The following GRM5 variants were observed in gnomAD, a reference collection of about 807,000 sequenced individuals.
GRM5 encodes the protein glutamate metabotropic receptor 5.
GRM5 carries 19 observed loss-of-function variants against 83.1 expected under a neutral mutation model. The observed-to-expected ratio is 0.23, with a 90% CI of 0.16 to 0.34. The LOEUF is 0.34. GRM5 is among the 10% of genes least tolerant of loss of function. GRM5 has a pLI of 1.00. For missense variants in GRM5, 1,160 were observed against 1,588.3 expected (o/e 0.73, Z 4.58); for synonymous variants, 675 against 633.6 (o/e 1.07, Z -0.98).
Position 88,818,492 on chromosome 11 carries a change from A to C in GRM5, c.911+31414T>G, listed in dbSNP as rs139135845. ...ATGAATACATCTTCAAGATGTGAAT[A>C]AGTCATGTTCTTTCTAGTAGCAAGA... On this transcript the variant is annotated intron_variant, in intron 3 of 9. Coordinates refer to ENST00000305447, the MANE Select transcript of GRM5 (RefSeq NM_001143831.3). Among the ~76,000 whole-genome samples the C allele has an allele frequency of 4.7e-4, 72 of 152,274 alleles. 1 individual carries two copies. The highest frequency in any genetic ancestry group is 3.4e-3 in the Middle Eastern group (1 of 294).
chr11:88,940,328 T>C (rs1395904625), intron 2 of GRM5, among the ~76,000 whole-genome samples: 1 of 151,486 alleles, frequency 6.6e-6, no homozygotes, highest in Non-Finnish European at 1.5e-5. Flanking sequence ...TTTTTTTTTT[T>C]TGGAAGACCT....
At chr11:88,794,343 A>G (rs890945130) in intron 3 of GRM5, among the ~76,000 whole-genome samples, 23 of 152,242 alleles carry the variant, frequency 1.5e-4, no homozygotes, top group African/African-American at 5.5e-4. Context: ...CCTCTGTAAC[A>G]CCATTCTGTG....
At chr11:88,867,374 G>T (rs1163210504) in intron 2 of GRM5, among the ~76,000 whole-genome samples, 1 of 151,850 alleles carries the variant, frequency 6.6e-6, no homozygotes, top group East Asian at 1.9e-4. Flanking sequence ...AAGGAGTCCA[G>T]ATGAGAAACA....
intron 8 of GRM5, among the ~76,000 whole-genome samples, chr11:88,563,527 C>CA: frequency 6.6e-6 from 1 of 152,256 alleles, no homozygotes; most frequent in Non-Finnish European, 1.5e-5. Context: ...TACCCAATCT[C>CA]AGATTATAGC....
intron 3 of GRM5, among the ~76,000 whole-genome samples, chr11:88,825,198 C>A (rs1943873740): frequency 6.6e-6 from 1 of 151,392 alleles, no homozygotes; most frequent in African/African-American, 2.4e-5. Flanking sequence ...TTTCAGTTAA[C>A]AGGATAAAAT....
chr11:88,617,418 C>G (rs1938513328), intron 4 of GRM5, among the ~76,000 whole-genome samples: 1 of 151,984 alleles, frequency 6.6e-6, no homozygotes, highest in Admixed American at 6.6e-5. Context: ...GACCTTTTTC[C>G]CCAATATCTT....
intron 2 of GRM5, among the ~76,000 whole-genome samples, chr11:88,916,418 A>C (rs1358591669): frequency 6.6e-6 from 1 of 151,996 alleles, no homozygotes; most frequent in African/African-American, 2.4e-5. Context: ...GTCACAGGGG[A>C]AAGTAATGCA....
chr11:88,969,042 G>A (rs1451506376), intron 2 of GRM5, among the ~76,000 whole-genome samples: 3 of 151,950 alleles, frequency 2.0e-5, no homozygotes, highest in African/African-American at 4.8e-5. Flanking sequence ...AGCATAGACA[G>A]GAGGAAATAA....
intron 2 of GRM5, among the ~76,000 whole-genome samples, chr11:88,878,322 G>A (rs1435590308): frequency 1.3e-5 from 2 of 152,074 alleles, no homozygotes; most frequent in Non-Finnish European, 2.9e-5. Flanking sequence ...AGCACTGGAT[G>A]GAACAACTCT....
intron 1 of GRM5, among the ~76,000 whole-genome samples, chr11:89,053,321 C>G (rs575346738): frequency 6.6e-6 from 1 of 151,896 alleles, no homozygotes; most frequent in African/African-American, 2.4e-5. Flanking sequence ...AACTTAGATA[C>G]CTGGAATACA....
chr11:88,779,150 G>T (rs1252697632), intron 3 of GRM5, among the ~76,000 whole-genome samples: 1 of 152,118 alleles, frequency 6.6e-6, no homozygotes, highest in Non-Finnish European at 1.5e-5. Flanking sequence ...ATTTAAATGG[G>T]GTTCTTGTTC....
intron 1 of GRM5, among the ~76,000 whole-genome samples, chr11:89,065,269 G>A (rs930013953): frequency 6.8e-6 from 1 of 147,266 alleles, no homozygotes; most frequent in Non-Finnish European, 1.5e-5. Flanking sequence ...CTTGCCTTTC[G>A]TGCACATGTA....
At chr11:88,921,158 A>G (rs895368594) in intron 2 of GRM5, among the ~76,000 whole-genome samples, 1 of 152,132 alleles carries the variant, frequency 6.6e-6, no homozygotes, top group African/African-American at 2.4e-5. Flanking sequence ...ATCATTCACC[A>G]TGACCAAGTG....
chr11:88,966,802 A>G (rs1938982673), intron 2 of GRM5, among the ~76,000 whole-genome samples: 1 of 152,280 alleles, frequency 6.6e-6, no homozygotes, highest in African/African-American at 2.4e-5. Context: ...GGAAGTGTAC[A>G]CAAATGATTG....
At chr11:88,968,265 G>A (rs1359765469) in intron 2 of GRM5, among the ~76,000 whole-genome samples, 1 of 152,120 alleles carries the variant, frequency 6.6e-6, no homozygotes, top group Non-Finnish European at 1.5e-5. Flanking sequence ...TTACAAAAGA[G>A]AGAAGGCTTA....
chr11:88,848,582 T>C (rs1342309204), intron 3 of GRM5, among the ~76,000 whole-genome samples: 2 of 152,194 alleles, frequency 1.3e-5, no homozygotes, highest in Non-Finnish European at 2.9e-5. Context: ...AAAAGATATA[T>C]GGTACATAAT....
At chr11:88,975,446 A>C (rs1170673559) in intron 2 of GRM5, among the ~76,000 whole-genome samples, 2 of 152,206 alleles carry the variant, frequency 1.3e-5, no homozygotes, top group Non-Finnish European at 2.9e-5. Flanking sequence ...TTCTAATTCA[A>C]GGGGTTTGAA....
chr11:88,579,458 A>G (rs1281953609), intron 7 of GRM5, among the ~76,000 whole-genome samples: 2 of 152,200 alleles, frequency 1.3e-5, no homozygotes, highest in Non-Finnish European at 2.9e-5. Flanking sequence ...AGGTAGAGAA[A>G]AGAAGAGGTA....
chr11:88,773,327 G>A (rs904163148), intron 3 of GRM5, among the ~76,000 whole-genome samples: 1 of 152,080 alleles, frequency 6.6e-6, no homozygotes, highest in African/African-American at 2.4e-5. Context: ...ATTTGTTTGA[G>A]TTCTTTGTAG....
Sources: gnomAD v4.1 joint callset for allele counts (sites outside exome capture counted in the v4.1 genomes callset) on GRCh38, gnomAD v4.1.1 for gene constraint, MANE v1.5 for transcripts, NCBI Gene and HGNC (gene_info 2026-07-23, HGNC 2026-07-21) for gene names.